Variants in ANKS1B observed in about 807,000 individuals in gnomAD.
The protein encoded by ANKS1B is ankyrin repeat and sterile alpha motif domain-containing protein 1B.
A neutral mutation model predicts 148.3 loss-of-function variants in ANKS1B; 36 were observed. That is an observed-to-expected ratio of 0.24 (90% confidence interval 0.19 to 0.32). The LOEUF is 0.32. ANKS1B is among the 10% of genes least tolerant of loss of function. ANKS1B has a pLI of 1.00. For synonymous variants in ANKS1B, 542 were observed against 560.8 expected (o/e 0.97, Z 0.47); for missense variants, 1,157 against 1,542.6 (o/e 0.75, Z 4.19).
chr12:99,036,601 A>G (rs2099955716), intron 17 of ANKS1B, among the ~76,000 whole-genome samples: 1 of 152,250 alleles, frequency 6.6e-6, no homozygotes, highest in South Asian at 2.1e-4. Context: ...TGATTACATT[A>G]TAATTTGGCA....
chr12:99,863,640 A>G (rs2090334771), intron 1 of ANKS1B, among the ~76,000 whole-genome samples: 1 of 151,874 alleles, frequency 6.6e-6, no homozygotes, highest in Admixed American at 6.6e-5. Flanking sequence ...GCTTGAACCC[A>G]GGAGACAGAG....
chr12:99,211,639 C>G (rs973399821), intron 14 of ANKS1B, among the ~76,000 whole-genome samples: 4 of 152,198 alleles, frequency 2.6e-5, no homozygotes, highest in African/African-American at 9.7e-5. Flanking sequence ...AGGACCCGCT[C>G]CAGTTCTGCC....
intron 14 of ANKS1B, among the ~76,000 whole-genome samples, chr12:99,208,052 T>G (rs2082893691): frequency 6.6e-6 from 1 of 152,154 alleles, no homozygotes; most frequent in Admixed American, 6.5e-5. Flanking sequence ...CAAGGTTTTC[T>G]GGAATTATTG....
chr12:99,774,446 C>CT (rs771986788), intron 7 of ANKS1B, among the ~76,000 whole-genome samples: 1 of 152,038 alleles, frequency 6.6e-6, no homozygotes, highest in Non-Finnish European at 1.5e-5. Flanking sequence ...CATCTCCCAT[C>CT]TATTAGAATG....
chr12:99,159,509 T>A (rs1317772905), intron 14 of ANKS1B, among the ~76,000 whole-genome samples: 2 of 152,188 alleles, frequency 1.3e-5, no homozygotes, highest in Non-Finnish European at 2.9e-5. Context: ...TTAATTTCCT[T>A]AGAATAATGG....
intron 15 of ANKS1B, chr12:99,104,467 G>A (rs1031355841): frequency 2.0e-5 from 3 of 152,110 alleles, no homozygotes; most frequent in Non-Finnish European, 2.9e-5. Flanking sequence ...CTCTAGGCCC[G>A]ATTTTGGCAC....
chr12:99,265,194 A>G lies in ANKS1B; in HGVS notation c.1757-18330T>C, dbSNP rs11608822. 9.9e-3 allele frequency among the ~76,000 whole-genome samples: 1,510 copies of G among 152,230 alleles called. 16 individuals are homozygous for G. Among genetic ancestry groups the G allele is most frequent in the Non-Finnish European group, 0.013 (883 of 68,008 alleles). The stretch of plus-strand genomic sequence containing the variant: ...TATAGCAGTGGTTCTCATAGTGTGG[A>G]CCCCAGAACAGCAGCATTAGCATCT... On this transcript the variant is annotated intron_variant, in intron 12 of 26. Coordinates refer to ENST00000683438, the MANE Select transcript of ANKS1B (RefSeq NM_001352186.2).
At chr12:99,315,826 C>G (rs1015197049) in intron 12 of ANKS1B, among the ~76,000 whole-genome samples, 8 of 152,078 alleles carry the variant, frequency 5.3e-5, no homozygotes, top group African/African-American at 1.4e-4. Flanking sequence ...CCCTCTCCCC[C>G]CACCCCATGA....
intron 9 of ANKS1B, among the ~76,000 whole-genome samples, chr12:99,588,149 A>C (rs2097662872): frequency 6.6e-6 from 1 of 152,174 alleles, no homozygotes. Flanking sequence ...ACAGAAAAAA[A>C]AAACAGTAAA....
intron 9 of ANKS1B, among the ~76,000 whole-genome samples, chr12:99,582,132 G>A (rs1014186276): frequency 6.6e-6 from 1 of 151,718 alleles, no homozygotes; most frequent in African/African-American, 2.4e-5. Context: ...TGATCATTAG[G>A]GAAATGCAAA....
intron 17 of ANKS1B, among the ~76,000 whole-genome samples, chr12:98,949,388 T>C (rs1275355482): frequency 6.6e-6 from 1 of 152,130 alleles, no homozygotes; most frequent in Non-Finnish European, 1.5e-5. Flanking sequence ...TGGACCTAGT[T>C]AAGCAATGTT....
At chr12:99,582,415 C>T (rs79468863) in intron 9 of ANKS1B, among the ~76,000 whole-genome samples, 7,719 of 151,264 alleles carry the variant, frequency 0.051, 386 homozygotes, top group East Asian at 0.26. Context: ...TTCAAAGCAA[C>T]TTTTTTCATA....
At chr12:99,423,529 G>A (rs2095158836) in intron 11 of ANKS1B, among the ~76,000 whole-genome samples, 1 of 152,254 alleles carries the variant, frequency 6.6e-6, no homozygotes, top group South Asian at 2.1e-4. Context: ...AAAGACACAT[G>A]CACTTGCACG....
chr12:99,355,638 A>G (rs2091905895), intron 12 of ANKS1B, among the ~76,000 whole-genome samples: 1 of 152,126 alleles, frequency 6.6e-6, no homozygotes, highest in African/African-American at 2.4e-5. Flanking sequence ...TTGTCTTCTA[A>G]TAGTTTGCCC....
chr12:99,311,509 T>A (rs1018338981), intron 12 of ANKS1B, among the ~76,000 whole-genome samples: 4 of 152,072 alleles, frequency 2.6e-5, no homozygotes, highest in African/African-American at 9.7e-5. Context: ...GAAACAAGTA[T>A]CAATATAGAA....
intron 15 of ANKS1B, among the ~76,000 whole-genome samples, chr12:99,123,789 T>G (rs2063565636): frequency 6.6e-6 from 1 of 152,162 alleles, no homozygotes; most frequent in Non-Finnish European, 1.5e-5. Flanking sequence ...TGCCTGCTTT[T>G]ATCCCAGCCA....
At chr12:99,685,728 A>ATG (rs898434491) in intron 8 of ANKS1B, among the ~76,000 whole-genome samples, 22 of 150,668 alleles carry the variant, frequency 1.5e-4, no homozygotes, top group South Asian at 2.1e-4. Context: ...GGGTGTGTTT[A>ATG]TGTGTGTGTG....
chr12:99,357,717 T>C (rs545890463), intron 12 of ANKS1B, among the ~76,000 whole-genome samples: 1 of 152,238 alleles, frequency 6.6e-6, no homozygotes, highest in African/African-American at 2.4e-5. Flanking sequence ...ACTTATTTAA[T>C]AAATTAGGTG....
At chr12:99,928,450 T>C (rs1199156679) in intron 1 of ANKS1B, among the ~76,000 whole-genome samples, 3 of 150,736 alleles carry the variant, frequency 2.0e-5, no homozygotes, top group African/African-American at 7.3e-5. Flanking sequence ...GGCTAATTTT[T>C]TGTATTTTTA....
Sources: allele counts gnomAD v4.1 joint callset (sites outside exome capture counted in the v4.1 genomes callset), GRCh38; gene constraint gnomAD v4.1.1; transcripts MANE v1.5; gene names NCBI Gene and HGNC (gene_info 2026-07-23, HGNC 2026-07-21).